The following SLC35D1 variants were observed in gnomAD, a reference collection of about 807,000 sequenced individuals.
The protein encoded by SLC35D1 is nucleotide sugar transporter SLC35D1.
A neutral mutation model predicts 46.7 loss-of-function variants in SLC35D1; 31 were observed. That is an observed-to-expected ratio of 0.66 (90% CI 0.50 to 0.90). The LOEUF (loss-of-function observed/expected upper bound fraction) is 0.90, where lower values mean the gene tolerates loss of function less well. Among genes scored for constraint, SLC35D1 ranks in the 40% least tolerant of loss-of-function variants. SLC35D1 has a pLI of 0.00. For missense variants in SLC35D1, 397 were observed against 426.2 expected (o/e 0.93, Z 0.60); for synonymous variants, 195 against 164.6 (o/e 1.18, Z -1.41).
At chr1:66,990,549 GACC>G in the SLC35D1 span, among the ~76,000 whole-genome samples, 7 of 152,218 alleles carry the variant, frequency 4.6e-5, no homozygotes, top group South Asian at 6.2e-4. Context: ...TTACAGGTGT[GACC>G]ACCACACCTG....
At chr1:66,976,161 G>A in the SLC35D1 span, among the ~76,000 whole-genome samples, 1 of 151,914 alleles carries the variant, frequency 6.6e-6, no homozygotes, top group African/African-American at 2.4e-5. Flanking sequence ...CTGCCACCAT[G>A]CCCGGCTAAT....
the SLC35D1 span, among the ~76,000 whole-genome samples, chr1:66,977,550 T>G: frequency 2.6e-5 from 4 of 152,244 alleles, no homozygotes; most frequent in East Asian, 7.7e-4. Flanking sequence ...AGATATGGGT[T>G]GTTGTATCCA....
chr1:67,001,205 A>G lies in SLC35D1; in HGVS notation c.*3135T>C, dbSNP rs1471617126. 2.6e-5 allele frequency: 4 copies of G among 152,296 alleles called. No homozygotes were observed. Among genetic ancestry groups the G allele is most frequent in the African/African-American group, 9.7e-5 (4 of 41,426 alleles). 9.4% of individuals were successfully genotyped at this position (152,296 alleles called of 1,614,324 possible). Reference sequence around the variant, plus strand: ...TGGGGTGCCATTTCAAACCAACTCAATGTGAAACTCCACTGTTTCTCCGTG... The same window carrying G: ...TGGGGTGCCATTTCAAACCAACTCAGTGTGAAACTCCACTGTTTCTCCGTG... On this transcript the variant is annotated 3_prime_UTR_variant, in exon 12 of 12. Transcript: ENST00000235345.
intron 8 of SLC35D1, among the ~76,000 whole-genome samples, chr1:67,027,800 T>A (rs1404322155): frequency 6.6e-6 from 1 of 152,180 alleles, no homozygotes; most frequent in East Asian, 1.9e-4. Flanking sequence ...GGTGCTATCT[T>A]GGCTCACTGC....
At chr1:66,984,589 C>T in the SLC35D1 span, 16 of 1,596,126 alleles carry the variant, frequency 1.0e-5, no homozygotes, top group Admixed American at 1.8e-5. Flanking sequence ...ATCTAATGGA[C>T]CAGGTGAAAT....
intron 7 of SLC35D1, among the ~76,000 whole-genome samples, chr1:67,043,567 AC>A (rs1229176937): frequency 2.0e-5 from 3 of 152,118 alleles, no homozygotes; most frequent in Non-Finnish European, 4.4e-5. Context: ...AACAAAAAGC[AC>A]AAAGCAAACA....
chr1:67,039,520 T>TGTGTGC (rs753428337), intron 8 of SLC35D1, among the ~76,000 whole-genome samples: 26 of 148,396 alleles, frequency 1.8e-4, no homozygotes, highest in African/African-American at 6.6e-4. Flanking sequence ...TGTGTGTGTG[T>TGTGTGC]GCGCGCGTGG....
chr1:67,044,229 A>T (rs934487986), intron 7 of SLC35D1, among the ~76,000 whole-genome samples: 33 of 151,990 alleles, frequency 2.2e-4, no homozygotes, highest in African/African-American at 7.7e-4. Context: ...CCAGCTATTC[A>T]AGAGGCTGAG....
intron 6 of SLC35D1, among the ~76,000 whole-genome samples, chr1:67,049,288 C>A (rs572736561): frequency 6.7e-6 from 1 of 149,498 alleles, no homozygotes; most frequent in East Asian, 2.0e-4. Context: ...AGCAAGACTC[C>A]GTCTCAAAAA....
chr1:67,038,317 A>C (rs1246898622), intron 8 of SLC35D1, among the ~76,000 whole-genome samples: 1 of 152,208 alleles, frequency 6.6e-6, no homozygotes, highest in Non-Finnish European at 1.5e-5. Flanking sequence ...AATGCTTAGT[A>C]TGAGACACTT....
intron 7 of SLC35D1, among the ~76,000 whole-genome samples, chr1:67,042,754 C>CA (rs1645207285): frequency 6.6e-6 from 1 of 152,170 alleles, no homozygotes; most frequent in South Asian, 2.1e-4. Flanking sequence ...AGAAGCCTAG[C>CA]ACAGTGTCAT....
At chr1:67,007,602 G>A (rs776584242) in intron 11 of SLC35D1, among the ~76,000 whole-genome samples, 2 of 152,038 alleles carry the variant, frequency 1.3e-5, no homozygotes, top group Non-Finnish European at 2.9e-5. Context: ...ATAGATTTTC[G>A]GAAAGGGCAA....
At chr1:67,033,480 CAAT>C (rs758028473) in intron 8 of SLC35D1, among the ~76,000 whole-genome samples, 19 of 152,266 alleles carry the variant, frequency 1.2e-4, no homozygotes, top group Middle Eastern at 3.4e-3. Context: ...TGATGATCAA[CAAT>C]GTTTAGCACT....
intron 10 of SLC35D1, among the ~76,000 whole-genome samples, chr1:67,018,563 TGC>T (rs1667732923): frequency 6.6e-6 from 1 of 152,200 alleles, no homozygotes; most frequent in Non-Finnish European, 1.5e-5. Context: ...ACCCGACAAT[TGC>T]CTGGAAACCC....
chr1:67,053,926 C>T lies in SLC35D1; in HGVS notation c.88G>A (p.Gly30Arg), dbSNP rs756461049. ...GTCAGCGTTTCGGCCGACGCCATCCCCAGCTCCTCCTCATCTCGGAGTGTG... is the reference window on the plus strand; with the variant it reads ...GTCAGCGTTTCGGCCGACGCCATCCTCAGCTCCTCCTCATCTCGGAGTGTG... ...SSTLRDEEEL[G>R]MASAETLTVF... Residue 30 changes from glycine to arginine, a missense_variant, in exon 1 of 12, where the codon GGG becomes AGG. By Grantham distance (125) the Gly-to-Arg change is moderately radical. Transcript: ENST00000235345. The T allele has an allele frequency of 6.2e-7, 1 of 1,613,836 alleles. No homozygotes were observed. The highest frequency in any genetic ancestry group is 1.7e-5 in the Admixed American group (1 of 60,024).
intron 8 of SLC35D1, among the ~76,000 whole-genome samples, chr1:67,030,683 C>T (rs1013593793): frequency 5.1e-4 from 77 of 152,206 alleles, no homozygotes; most frequent in Non-Finnish European, 4.3e-4. Context: ...AGTTTCTTCT[C>T]TCCTCTAGCT....
chr1:67,023,613 G>A (rs903900380), intron 8 of SLC35D1, among the ~76,000 whole-genome samples: 1 of 151,482 alleles, frequency 6.6e-6, no homozygotes, highest in Non-Finnish European at 1.5e-5. Flanking sequence ...CGCCTCCCGG[G>A]TAGCTGGGAT....
At chr1:67,053,426 G>C (rs1005716494) in intron 1 of SLC35D1, among the ~76,000 whole-genome samples, 1 of 152,204 alleles carries the variant, frequency 6.6e-6, no homozygotes, top group Non-Finnish European at 1.5e-5. Flanking sequence ...CCGGCCCCCT[G>C]TCCAGGCTGC....
At chr1:67,011,310 A>C (rs1349132397) in intron 10 of SLC35D1, among the ~76,000 whole-genome samples, 1 of 152,170 alleles carries the variant, frequency 6.6e-6, no homozygotes, top group East Asian at 1.9e-4. Context: ...TGCAGTAAGC[A>C]GGGTCACCAA....
Sources: gnomAD v4.1 joint callset for allele counts (sites outside exome capture counted in the v4.1 genomes callset) on GRCh38, gnomAD v4.1.1 for gene constraint, MANE v1.5 for transcripts, NCBI Gene and HGNC (gene_info 2026-07-23, HGNC 2026-07-21) for gene names.